Variants in DDX60L observed in about 807,000 individuals in gnomAD.
DDX60L encodes probable ATP-dependent RNA helicase DDX60-like.
Under a neutral mutation model 211.6 loss-of-function variants are expected in DDX60L, and 191 were observed. That is an observed-to-expected ratio of 0.90 (90% CI 0.80 to 1.02). The LOEUF is 1.02. Among genes scored for constraint, DDX60L ranks in the 50% least tolerant of loss-of-function variants. The pLI, the probability that DDX60L is intolerant of heterozygous loss-of-function variation, is 0.00. For synonymous variants in DDX60L, 706 were observed against 694.1 expected (o/e 1.02, Z -0.27); for missense variants, 2,007 against 1,984.1 (o/e 1.01, Z -0.22).
intron 25 of DDX60L, among the ~76,000 whole-genome samples, chr4:168,401,522 T>C (rs11132217): frequency 0.92 from 139,611 of 152,304 alleles, 65,119 homozygotes; most frequent in East Asian, 1. Context: ...GGATCTCCTG[T>C]GGGATGTGTC....
At chr4:168,358,497 GTTC>G (rs896782266) in intron 37 of DDX60L, among the ~76,000 whole-genome samples, 10 of 148,240 alleles carry the variant, frequency 6.7e-5, no homozygotes, top group African/African-American at 9.9e-5. Flanking sequence ...CCTTCACACA[GTTC>G]TTCTTTTTTT....
chr4:168,472,701 G>T lies in DDX60L; in HGVS notation c.-2C>A. The stretch of plus-strand genomic sequence containing the variant: ...TATCAAAGATTGAGAATTACCCATC[G>T]TTGCTGCTTCTTGGGCTACAGGGTA... On this transcript the variant is annotated 5_prime_UTR_variant, in exon 2 of 38. Coordinates refer to ENST00000682922, the MANE Select transcript of DDX60L (RefSeq NM_001012967.3). 2 of 1,613,344 alleles carry T rather than the reference G, an allele frequency of 1.2e-6. No homozygotes were observed. Among genetic ancestry groups the T allele is most frequent in the South Asian group, 1.1e-5 (1 of 90,912 alleles).
At chr4:168,409,869 C>T (rs190126358) in intron 22 of DDX60L, among the ~76,000 whole-genome samples, 18 of 152,298 alleles carry the variant, frequency 1.2e-4, no homozygotes, top group Admixed American at 3.9e-4. Context: ...AACAACCTCA[C>T]TAGCCCTCTT....
At chr4:168,419,454 G>T (rs1358393565) in intron 18 of DDX60L, 57 bp from the exon 19 acceptor site, 17 of 1,305,814 alleles carry the variant, frequency 1.3e-5, no homozygotes, top group East Asian at 2.6e-5. Context: ...TTTATATCAG[G>T]CATAGTAATA....
rs772463681 is a variant in DDX60L at position 168,456,180 on chromosome 4, T to C, written c.724-28A>G. On this transcript the variant is annotated intron_variant, in intron 6 of 37. Coordinates refer to ENST00000682922, the MANE Select transcript of DDX60L (RefSeq NM_001012967.3). ...ATCAAAAAAGAAATTTCTTCAAATG[T>C]CAAATTATTTAGAAATATTCTTTTA... 7 of 1,353,522 alleles carry C rather than the reference T, an allele frequency of 5.2e-6. No individual in the cohort carries two copies. In the African/African-American group the frequency reaches 1.1e-4, roughly 20 times the overall value. The allele number at this position is 1,353,522 out of a possible 1,614,324, so 83.8% of individuals were successfully genotyped here. A position where few individuals can be genotyped will look rare whatever the true frequency, so the allele number is the denominator to read the frequency against.
intron 36 of DDX60L, 160 bp from the exon 37 acceptor site, chr4:168,361,371 C>A: frequency 5.9e-6 from 3 of 508,478 alleles, no homozygotes; most frequent in East Asian, 3.2e-5. Flanking sequence ...AATTGAGAGG[C>A]ATAGGTAAAA....
chr4:168,392,530 A>G (rs1382597551), intron 28 of DDX60L, among the ~76,000 whole-genome samples: 1 of 152,168 alleles, frequency 6.6e-6, no homozygotes, highest in Non-Finnish European at 1.5e-5. Flanking sequence ...TTTAGCCATA[A>G]TGAGTATCAT....
chr4:168,422,534 T>C lies in DDX60L; in HGVS notation c.2234A>G (p.Asn745Ser), dbSNP rs758033776. Residue 745 changes from asparagine to serine, a missense_variant, in exon 16 of 38, where the codon AAC becomes AGC. Coordinates refer to ENST00000682922, the MANE Select transcript of DDX60L (RefSeq NM_001012967.3). ...GTTTGTTGTCATTACCTGCCATGCG[T>C]TGGGAATAAAATCCTGGACCCTGGG... is the stretch of plus-strand genomic sequence containing the variant. Reference protein sequence around the residue: ...RDPRVQDFIPNAWQQELLDVV... With the variant: ...RDPRVQDFIPSAWQQELLDVV... The C allele has an allele frequency of 1.2e-6, 2 of 1,609,682 alleles. No individual in the cohort carries two copies. The highest frequency in any genetic ancestry group is 1.1e-5 in the South Asian group (1 of 89,602).
chr4:168,371,745 C>T lies in DDX60L; in HGVS notation c.4795G>A (p.Gly1599Ser), dbSNP rs199671577. Residue 1599 changes from glycine to serine, a missense_variant, in exon 36 of 38, where the codon GGT (glycine) becomes AGT (serine). Gly to Ser is a moderately conservative substitution (Grantham distance 56, BLOSUM62 0). Transcript: ENST00000682922. ...AGAGGAGCCTGAGTGCCACTAACAC[C>T]GACTGTGCGCAGGATGACCTGAAGA... is the stretch of plus-strand genomic sequence containing the variant. The part of the protein sequence containing the change: ...TINQVILRTV[G>S]VSGTQAPLLW... The T allele has an allele frequency of 1.3e-4, 207 of 1,603,874 alleles. No homozygotes were observed. Among genetic ancestry groups the T allele is most frequent in the Non-Finnish European group, 1.4e-4 (164 of 1,172,874 alleles).
chr4:168,454,758 C>CTTTTTTTTTT lies in DDX60L; in HGVS notation c.837+1271_837+1280dup, dbSNP rs767461447. Among the ~76,000 whole-genome samples, 28 of 88,624 alleles carry CTTTTTTTTTT rather than the reference C, an allele frequency of 3.2e-4. 5 individuals are homozygous for CTTTTTTTTTT. Among genetic ancestry groups the CTTTTTTTTTT allele is most frequent in the African/African-American group, 1.2e-3 (24 of 20,674 alleles). 58.1% of individuals were successfully genotyped at this position (88,624 alleles called of 152,430 possible). The stretch of plus-strand genomic sequence containing the variant: ...GTGCTCCCGAAGAGTAAACAGCTTC[C>CTTTTTTTTTT]TTTTTTTTTTTTTTTTTTTTTAGCA... On this transcript the variant is annotated intron_variant, in intron 7 of 37. Coordinates refer to ENST00000682922, the MANE Select transcript of DDX60L (RefSeq NM_001012967.3).
intron 9 of DDX60L, among the ~76,000 whole-genome samples, chr4:168,443,536 G>C (rs1754273902): frequency 6.6e-6 from 1 of 152,044 alleles, no homozygotes; most frequent in Admixed American, 6.6e-5. Context: ...ACGCCAAAAA[G>C]ATACTCCTCG....
chr4:168,361,035 A>G, intron 37 of DDX60L, 114 bp downstream of exon 37: 1 of 768,356 alleles, frequency 1.3e-6, no homozygotes, highest in South Asian at 1.7e-5. Flanking sequence ...GAGGCTCAAT[A>G]GTATCTTCAG....
intron 36 of DDX60L, 87 bp from the exon 37 acceptor site, chr4:168,361,298 G>T: frequency 1.2e-6 from 1 of 839,490 alleles, no homozygotes; most frequent in Non-Finnish European, 1.9e-6. Context: ...GTCTGTCCAT[G>T]GCAGTTAATT....
Position 168,404,075 on chromosome 4 carries a change from T to A in DDX60L, c.3245A>T (p.Asp1082Val). The A allele has an allele frequency of 1.4e-6, 2 of 1,434,372 alleles. No individual in the cohort carries two copies. The highest frequency in any genetic ancestry group is 1.6e-5 in the South Asian group (1 of 61,094). The allele number at this position is 1,434,372 out of a possible 1,614,324, so 88.9% of individuals were successfully genotyped here. Reference sequence around the variant, plus strand: ...CATATCTTTTGAACTAGACAATGAATCCGGACTAAGGTTCTTCAGTACTCT... The same window carrying A: ...CATATCTTTTGAACTAGACAATGAAACCGGACTAAGGTTCTTCAGTACTCT... ...VKRVLKNLSP[D>V]SLSSSKDMVK... Residue 1082 changes from aspartate to valine, a missense_variant, in exon 25 of 38, where the codon GAT (aspartate) becomes GTT (valine). Physicochemically the swap from Asp to Val is radical, Grantham distance 152. Transcript: ENST00000682922.
At chr4:168,423,904 A>C in intron 14 of DDX60L, 130 bp from the exon 15 acceptor site, 1 of 548,068 alleles carries the variant, frequency 1.8e-6, no homozygotes, top group Non-Finnish European at 3.0e-6. Flanking sequence ...ACTTTAAAGG[A>C]GATTTTAGAG....
At position 168,449,988 on chromosome 4, in the gene DDX60L, TAC is replaced by T. The variant is rs1432811603; in HGVS notation, c.997-1211_997-1210del. 7.9e-5 allele frequency among the ~76,000 whole-genome samples: 12 copies of T among 152,244 alleles called. No homozygotes were observed. The East Asian group carries it at 2.3e-3, about 29-fold the overall frequency. ...AACTAACTTTGGAAGGAACTTTGTT[TAC>T]AGTTTATAGTTTGAAACAAAGATGA... On this transcript the variant is annotated intron_variant, in intron 8 of 37. Transcript: ENST00000682922.
rs568546690 is a variant in DDX60L at position 168,403,268 on chromosome 4, T to A, written c.3338+714A>T. ...GACTTCGGATGCGTAACAGAACACATGTGGCTTAGTGCTACCATTTAACGT... is the reference window on the plus strand; with the variant it reads ...GACTTCGGATGCGTAACAGAACACAAGTGGCTTAGTGCTACCATTTAACGT... On this transcript the variant is annotated intron_variant, in intron 25 of 37. Transcript: ENST00000682922. 3.3e-5 allele frequency among the ~76,000 whole-genome samples: 5 copies of A among 152,382 alleles called. No individual in the cohort carries two copies. The East Asian group carries it at 9.6e-4, about 29-fold the overall frequency.
chr4:168,368,812 G>T (rs753383202), intron 36 of DDX60L, among the ~76,000 whole-genome samples: 2 of 152,224 alleles, frequency 1.3e-5, no homozygotes, highest in Non-Finnish European at 1.5e-5. Context: ...GGAGCTTTAA[G>T]ATTTGACTGC....
intron 23 of DDX60L, 109 bp from the exon 24 acceptor site, chr4:168,406,187 C>T (rs960678011): frequency 5.5e-6 from 6 of 1,086,290 alleles, no homozygotes; most frequent in Non-Finnish European, 7.8e-6. Flanking sequence ...TTGCAAACTC[C>T]TTGAGGGCAG....
Sources: allele counts gnomAD v4.1 joint callset (sites outside exome capture counted in the v4.1 genomes callset), GRCh38; gene constraint gnomAD v4.1.1; transcripts MANE v1.5; gene names NCBI Gene and HGNC (gene_info 2026-07-23, HGNC 2026-07-21).